The following ANK3 variants were observed in gnomAD, a reference collection of about 807,000 sequenced individuals.
ANK3 encodes ankyrin 3, also known as ankyrin-3.
ANK3 carries 57 observed loss-of-function variants against 370.9 expected under a neutral mutation model. The ratio of observed to expected loss-of-function variants is 0.15; its 90% CI spans 0.12 to 0.19. ANK3 has a LOEUF of 0.19. Ranked by LOEUF, ANK3 falls within the 10% of genes least tolerant of loss-of-function variation. The pLI is 1.00. For synonymous variants in ANK3, 1,929 were observed against 1,946.3 expected (o/e 0.99, Z 0.23); for missense variants, 4,439 against 5,302.1 (o/e 0.84, Z 5.06).
At chr10:60,491,105 TCA>T (rs1250204533) in intron 2 of ANK3, among the ~76,000 whole-genome samples, 1 of 152,258 alleles carries the variant, frequency 6.6e-6, no homozygotes, top group African/African-American at 2.4e-5. Context: ...TTGCATGGTA[TCA>T]GTTATTCATT....
Position 60,673,082 on chromosome 10 carries a change from AC to A in ANK3, c.58-57859del, listed in dbSNP as rs1428202780. On this transcript the variant is annotated intron_variant, in intron 1 of 43. Transcript: ENST00000373827. ...AAATCACCTCTGCATGTAGATGAGG[AC>A]CATCTATCTAAAACCTATAAAAGGT... Among the ~76,000 whole-genome samples, 4 of 151,870 alleles carry A rather than the reference AC, an allele frequency of 2.6e-5. No homozygotes were observed. The East Asian group carries it at 7.7e-4, about 29-fold the overall frequency.
At chr10:60,632,872 ACT>A (rs1271929160) in intron 1 of ANK3, among the ~76,000 whole-genome samples, 1 of 149,628 alleles carries the variant, frequency 6.7e-6, no homozygotes, top group Non-Finnish European at 1.5e-5. Flanking sequence ...ACACAGCAAG[ACT>A]CTGTCTTCAA....
intron 1 of ANK3, chr10:60,300,425 A>T (rs891294036): frequency 1.6e-6 from 2 of 1,288,992 alleles, no homozygotes; most frequent in African/African-American, 3.0e-5. Flanking sequence ...ACATCTAAAA[A>T]TATCTGCCTT....
At chr10:60,388,366 G>A (rs2062707238) in intron 1 of ANK3, among the ~76,000 whole-genome samples, 1 of 152,182 alleles carries the variant, frequency 6.6e-6, no homozygotes, top group South Asian at 2.1e-4. Flanking sequence ...GGTCACTCCT[G>A]AAGAGGGGTA....
chr10:60,677,475 G>C (rs2079139913), intron 1 of ANK3, among the ~76,000 whole-genome samples: 1 of 142,712 alleles, frequency 7.0e-6, no homozygotes, highest in Non-Finnish European at 1.5e-5. Flanking sequence ...TGGTTTAGAG[G>C]CTGCAGAGAT....
At chr10:60,208,309 T>C (rs2096795209) in intron 9 of ANK3, 76 bp from the exon 10 acceptor site, 1 of 1,327,220 alleles carries the variant, frequency 7.5e-7, no homozygotes, top group South Asian at 1.2e-5. Flanking sequence ...AGTGCAAATA[T>C]AAACAGATAA....
chr10:60,625,207 G>A (rs1378022856), intron 1 of ANK3, among the ~76,000 whole-genome samples: 4 of 152,126 alleles, frequency 2.6e-5, no homozygotes, highest in Non-Finnish European at 5.9e-5. Context: ...CACCAGACTT[G>A]GGAGTAGAGA....
chr10:60,715,864 T>C (rs920470299), intron 1 of ANK3, among the ~76,000 whole-genome samples: 1 of 26 alleles, frequency 0.038, no homozygotes, highest in African/African-American at 0.17. Flanking sequence ...TTAAGGACCA[T>C]GCTGACCAAT....
chr10:60,234,196 T>C (rs1565874553), intron 8 of ANK3, among the ~76,000 whole-genome samples: 1 of 152,248 alleles, frequency 6.6e-6, no homozygotes, highest in Non-Finnish European at 1.5e-5. Flanking sequence ...AACATGGTTA[T>C]GCAAATATTT....
intron 7 of ANK3, among the ~76,000 whole-genome samples, chr10:60,248,921 C>T (rs1420008687): frequency 6.6e-6 from 1 of 152,188 alleles, no homozygotes; most frequent in Non-Finnish European, 1.5e-5. Flanking sequence ...AGTCTCTATA[C>T]AGAAAATGTT....
chr10:60,424,931 A>G (rs954446582), intron 2 of ANK3, among the ~76,000 whole-genome samples: 29 of 152,228 alleles, frequency 1.9e-4, no homozygotes, highest in Admixed American at 5.9e-4. Flanking sequence ...AAAGGCATAT[A>G]TGACCCCTAA....
intron 1 of ANK3, among the ~76,000 whole-genome samples, chr10:60,288,970 T>C (rs969933898): frequency 1.3e-5 from 2 of 151,778 alleles, no homozygotes; most frequent in Non-Finnish European, 2.9e-5. Context: ...TGAGATGGGA[T>C]GTTTTGATCA....
intron 40 of ANK3, chr10:60,059,883 G>C (rs761533857): frequency 1.2e-6 from 2 of 1,614,202 alleles, no homozygotes; most frequent in South Asian, 1.1e-5. Flanking sequence ...CAGTCTACTA[G>C]GGGTTCTAAG....
intron 14 of ANK3, among the ~76,000 whole-genome samples, chr10:60,197,420 G>A (rs1425154757): frequency 6.6e-6 from 1 of 152,156 alleles, no homozygotes; most frequent in African/African-American, 2.4e-5. Flanking sequence ...GGGGTCATCA[G>A]CACATTTGAC....
intron 2 of ANK3, among the ~76,000 whole-genome samples, chr10:60,398,661 A>T (rs2063292951): frequency 6.6e-6 from 1 of 152,328 alleles, no homozygotes; most frequent in South Asian, 2.1e-4. Flanking sequence ...TCATTTAACA[A>T]ATATTTATTG....
intron 2 of ANK3, among the ~76,000 whole-genome samples, chr10:60,405,086 A>C (rs1567013200): frequency 6.6e-6 from 1 of 152,166 alleles, no homozygotes; most frequent in Non-Finnish European, 1.5e-5. Flanking sequence ...GAGGGTGTGA[A>C]ATTGCACAAC....
intron 8 of ANK3, among the ~76,000 whole-genome samples, chr10:60,224,871 C>A (rs559907906): frequency 6.6e-6 from 1 of 151,702 alleles, no homozygotes; most frequent in East Asian, 1.9e-4. Context: ...CACTTACAGT[C>A]TAATAGCTAA....
intron 43 of ANK3, among the ~76,000 whole-genome samples, chr10:60,041,931 G>C (rs1319299854): frequency 6.9e-6 from 1 of 144,132 alleles, no homozygotes. Flanking sequence ...ACTTTAACCT[G>C]TGGGGCTAAG....
chr10:60,102,378 A>T (rs1041228036), intron 28 of ANK3, among the ~76,000 whole-genome samples: 1 of 152,050 alleles, frequency 6.6e-6, no homozygotes, highest in Non-Finnish European at 1.5e-5. Flanking sequence ...AGCTTTACAT[A>T]TATTAGCTCA....
Sources: gnomAD v4.1 joint callset for allele counts (sites outside exome capture counted in the v4.1 genomes callset) on GRCh38, gnomAD v4.1.1 for gene constraint, MANE v1.5 for transcripts, NCBI Gene and HGNC (gene_info 2026-07-23, HGNC 2026-07-21) for gene names.